ADAD1: variants seen among roughly 807,000 people sequenced by gnomAD.
ADAD1 encodes the protein adenosine deaminase domain containing 1.
A neutral mutation model predicts 66.8 loss-of-function variants in ADAD1; 46 were observed. The ratio of observed to expected loss-of-function variants is 0.69; its 90% CI spans 0.54 to 0.88. ADAD1 has a LOEUF of 0.88. Ranked by LOEUF, ADAD1 falls within the 40% of genes least tolerant of loss-of-function variation. The pLI is 0.00. For synonymous variants in ADAD1, 248 were observed against 229.4 expected (o/e 1.08, Z -0.73); for missense variants, 617 against 681.8 (o/e 0.91, Z 1.06).
chr4:122,420,796 G>A (rs553970647), intron 11 of ADAD1, among the ~76,000 whole-genome samples: 3 of 152,254 alleles, frequency 2.0e-5, no homozygotes, highest in Non-Finnish European at 4.4e-5. Context: ...TTGTGACATA[G>A]GTTATGTGTA....
chr4:122,383,902 A>T lies in ADAD1; in HGVS notation c.465A>T (p.Ala155=), dbSNP rs772305019. Residue 155 remains alanine, a synonymous_variant, in exon 5 of 13, where the codon GCA becomes GCT. Transcript: ENST00000296513. ...AAAAGGAGTCTAGATCCAATGCAGCAAAATTAGCTCTTGATGAGCTTCTAC... is the reference window on the plus strand; with the variant it reads ...AAAAGGAGTCTAGATCCAATGCAGCTAAATTAGCTCTTGATGAGCTTCTAC... ...QNKKESRSNA[A]KLALDELLQL... is the part of the protein sequence containing the mutation. 1.5e-5 allele frequency: 25 copies of T among 1,613,878 alleles called. No homozygotes were observed. Among genetic ancestry groups the T allele is most frequent in the Non-Finnish European group, 2.0e-5 (24 of 1,179,940 alleles).
intron 7 of ADAD1, among the ~76,000 whole-genome samples, chr4:122,400,014 T>C (rs926856324): frequency 4.6e-5 from 7 of 152,120 alleles, no homozygotes; most frequent in African/African-American, 1.7e-4. Context: ...GTCAGGTTGC[T>C]CTGGCTAGGA....
rs191050990 is a variant in ADAD1, at chr4:122,421,326, T to A, written c.1553T>A (p.Phe518Tyr). ...TGTAAGGCTGCAATGTTAAGTCGGT[T>A]TAACCTGCTTGCCAAAGAAGCTAAA... The part of the protein sequence containing the change: ...RLCKAAMLSR[F>Y]NLLAKEAKKE... Residue 518 changes from phenylalanine (F) to tyrosine (Y), a missense_variant, in exon 12 of 13, where the codon TTT (phenylalanine) becomes TAT (tyrosine). Transcript: ENST00000296513. The A allele has an allele frequency of 1.0e-5, 16 of 1,606,968 alleles. No individual in the cohort carries two copies. In the African/African-American group the frequency reaches 1.6e-4, roughly 16 times the overall value.
At chr4:122,403,483 G>A (rs1796067620) in intron 7 of ADAD1, among the ~76,000 whole-genome samples, 1 of 152,200 alleles carries the variant, frequency 6.6e-6, no homozygotes, top group African/African-American at 2.4e-5. Flanking sequence ...CACTGGCAGT[G>A]AAGTTGTCAC....
chr4:122,388,819 G>A (rs1329597157), intron 5 of ADAD1, among the ~76,000 whole-genome samples: 1 of 152,060 alleles, frequency 6.6e-6, no homozygotes, highest in Non-Finnish European at 1.5e-5. Flanking sequence ...AAAAAAAACA[G>A]CTTCTGGATT....
chr4:122,391,404 T>C (rs989361842), intron 5 of ADAD1, among the ~76,000 whole-genome samples: 8 of 152,214 alleles, frequency 5.3e-5, no homozygotes, highest in African/African-American at 1.9e-4. Context: ...GAGGGTGTGC[T>C]TCGCTGTGGA....
At chr4:122,428,517 A>G (rs2150619358) in intron 12 of ADAD1, among the ~76,000 whole-genome samples, 1 of 152,360 alleles carries the variant, frequency 6.6e-6, no homozygotes, top group East Asian at 1.9e-4. Flanking sequence ...GCTGGTGAAT[A>G]CATAAACAAA....
At position 122,379,059 on chromosome 4, in the gene ADAD1, T is replaced by C. The variant is rs2150520588; in HGVS notation, c.-139T>C. ...GGCCAAGCCTTCCCCATGGGCACCTTCTCAGATTGCGATTGTGGATGAAAT... is the reference window on the plus strand; with the variant it reads ...GGCCAAGCCTTCCCCATGGGCACCTCCTCAGATTGCGATTGTGGATGAAAT... On this transcript the variant is annotated 5_prime_UTR_variant, in exon 1 of 13. Transcript: ENST00000296513. 1 of 152,456 alleles carries C rather than the reference T, an allele frequency of 6.6e-6. No homozygotes were observed. Among genetic ancestry groups the C allele is most frequent in the Non-Finnish European group, 1.5e-5 (1 of 68,044 alleles). The allele number at this position is 152,456 out of a possible 1,614,324, so 9.4% of individuals were successfully genotyped here.
intron 12 of ADAD1, among the ~76,000 whole-genome samples, chr4:122,427,463 G>A (rs1367548289): frequency 1.3e-5 from 2 of 149,352 alleles, no homozygotes; most frequent in Non-Finnish European, 3.0e-5. Context: ...TAAAGTTCCA[G>A]CAGGGTTTTG....
chr4:122,383,801 A>T lies in ADAD1; in HGVS notation c.364A>T (p.Asn122Tyr), dbSNP rs1165099447. ...TTCATTCTGAGTTCTTTTTCAAGGT[A>T]ATGTTATGGGACCATATTTTGCCTT... is the stretch of plus-strand genomic sequence containing the variant. ...LDLKETVTTG[N>Y]VMGPYFAFCA... The change falls in exon 5 of 13, where the codon AAT (asparagine) becomes TAT (tyrosine). Residue 122 changes from asparagine (N) to tyrosine (Y), a missense_variant and splice_region_variant. Asn to Tyr is a moderately radical substitution (Grantham distance 143). Coordinates refer to ENST00000296513, the MANE Select transcript of ADAD1 (RefSeq NM_139243.4). The T allele has an allele frequency of 3.2e-6, 5 of 1,585,742 alleles. No homozygotes were observed. Among genetic ancestry groups the T allele is most frequent in the Non-Finnish European group, 4.3e-6 (5 of 1,171,542 alleles).
chr4:122,412,500 A>G lies in ADAD1; in HGVS notation c.1020-80A>G, dbSNP rs930434453. On this transcript the variant is annotated intron_variant, in intron 9 of 12. Transcript: ENST00000296513. ...TACACTGGGAAGTTAAACATGTTACAGAACAGCTGTTAGGTACAGGTAGAT... is the reference window on the plus strand; with the variant it reads ...TACACTGGGAAGTTAAACATGTTACGGAACAGCTGTTAGGTACAGGTAGAT... The G allele has an allele frequency of 5.2e-6, 6 of 1,158,044 alleles. No individual in the cohort carries two copies. In the South Asian group the frequency reaches 8.6e-5, roughly 17 times the overall value. The allele number at this position is 1,158,044 out of a possible 1,614,324, so 71.7% of individuals were successfully genotyped here.
rs10713074 is a variant in ADAD1, at chr4:122,422,121, C to CTT, written c.1617+751_1617+752dup. Among the ~76,000 whole-genome samples, 642 of 113,832 alleles carry CTT rather than the reference C, an allele frequency of 5.6e-3. 8 individuals carry two copies. The highest frequency in any genetic ancestry group is 0.023 in the African/African-American group (590 of 26,194). 74.7% of individuals were successfully genotyped at this position (113,832 alleles called of 152,430 possible). On this transcript the variant is annotated intron_variant, in intron 12 of 12. Coordinates refer to ENST00000296513, the MANE Select transcript of ADAD1 (RefSeq NM_139243.4). ...TTCTATGTGATATGACATGAACATC[C>CTT]TTTTTTTTTTTTTTTTTTTTTGAGA...
intron 7 of ADAD1, among the ~76,000 whole-genome samples, chr4:122,401,103 T>C (rs1357019905): frequency 6.6e-6 from 1 of 152,150 alleles, no homozygotes. Context: ...ATTAGTCTGT[T>C]TGTGCCCTTT....
chr4:122,379,417 CGG>C lies in ADAD1; in HGVS notation c.-33_-32del, dbSNP rs1300867295. 1 of 152,422 alleles carries C rather than the reference CGG, an allele frequency of 6.6e-6. No homozygotes were observed. The highest frequency in any genetic ancestry group is 1.5e-5 in the Non-Finnish European group (1 of 68,114). The allele number at this position is 152,422 out of a possible 1,614,324, so 9.4% of individuals were successfully genotyped here. A position where few individuals can be genotyped will look rare whatever the true frequency, so the allele number is the denominator to read the frequency against. On this transcript the variant is annotated 5_prime_UTR_variant, in exon 2 of 13. The change abolishes the stop of an existing upstream ORF in the 5' untranslated region. Transcript: ENST00000296513. ...CGGCTGCACGACGCTGGCGCAAGCG[CGG>C]GGGCAAGAGCGCCGGCCTCCGAGAC... is the stretch of plus-strand genomic sequence containing the variant.
chr4:122,429,428 A>T (rs80118980), intron 12 of ADAD1, among the ~76,000 whole-genome samples, 198 bp from the exon 13 acceptor site: 2,462 of 152,148 alleles, frequency 0.016, 65 homozygotes, highest in African/African-American at 0.056. Flanking sequence ...TCTTAGGAAA[A>T]AAAAAAAAAG....
At chr4:122,393,837 G>A (rs1193302792) in intron 6 of ADAD1, among the ~76,000 whole-genome samples, 180 bp downstream of exon 6, 3 of 152,058 alleles carry the variant, frequency 2.0e-5, no homozygotes, top group East Asian at 3.9e-4. Context: ...AAAGAAACAA[G>A]GAATGGAGAG....
chr4:122,424,278 T>C (rs1044445959), intron 12 of ADAD1, among the ~76,000 whole-genome samples: 1 of 152,166 alleles, frequency 6.6e-6, no homozygotes, highest in Non-Finnish European at 1.5e-5. Flanking sequence ...CAGGAAGGAA[T>C]AATAAATACT....
intron 6 of ADAD1, among the ~76,000 whole-genome samples, chr4:122,395,047 T>A (rs1055844600): frequency 6.6e-6 from 1 of 152,010 alleles, no homozygotes; most frequent in Admixed American, 6.6e-5. Context: ...TATATGTGTG[T>A]GTGTATTTAT....
At chr4:122,421,644 CCTG>C (rs1321681048) in intron 12 of ADAD1, among the ~76,000 whole-genome samples, 5 of 152,012 alleles carry the variant, frequency 3.3e-5, no homozygotes, top group African/African-American at 1.2e-4. Context: ...GCACTTAAAA[CCTG>C]CTATGTCATA....
Sources: allele counts gnomAD v4.1 joint callset (sites outside exome capture counted in the v4.1 genomes callset), GRCh38; gene constraint gnomAD v4.1.1; transcripts MANE v1.5; gene names NCBI Gene and HGNC (gene_info 2026-07-23, HGNC 2026-07-21).